NWD2: variants seen among roughly 807,000 people sequenced by gnomAD.
NWD2 encodes the protein NACHT and WD repeat domain-containing protein 2.
NWD2 carries 37 observed loss-of-function variants against 132.7 expected under a neutral mutation model. That is an observed-to-expected ratio of 0.28 (90% CI 0.21 to 0.37). NWD2 has a LOEUF of 0.37. NWD2 is among the 10% of genes least tolerant of loss of function. NWD2 has a pLI of 1.00. For synonymous variants in NWD2, 705 were observed against 803.0 expected (o/e 0.88, Z 2.06); for missense variants, 1,592 against 2,122.4 (o/e 0.75, Z 4.91).
chr4:37,266,176 C>G (rs567662524), intron 1 of NWD2, among the ~76,000 whole-genome samples: 1 of 152,182 alleles, frequency 6.6e-6, no homozygotes, highest in Admixed American at 6.6e-5. Flanking sequence ...TTTAATATTT[C>G]TGATTTTCCC....
chr4:37,353,777 A>T (rs982434889), intron 2 of NWD2, among the ~76,000 whole-genome samples: 1 of 151,858 alleles, frequency 6.6e-6, no homozygotes, highest in Non-Finnish European at 1.5e-5. Flanking sequence ...GCTTTTTTGC[A>T]TTGGGTTGGA....
chr4:37,376,455 A>C (rs1023460778), intron 3 of NWD2, among the ~76,000 whole-genome samples: 11 of 152,210 alleles, frequency 7.2e-5, no homozygotes, highest in African/African-American at 2.7e-4. Flanking sequence ...CAACAGAGCT[A>C]ATGGTTAAGA....
Position 37,391,593 on chromosome 4 carries a change from G to A in NWD2, c.357+35111G>A, listed in dbSNP as rs1432440956. Among the ~76,000 whole-genome samples the A allele has an allele frequency of 2.6e-5, 4 of 152,168 alleles. No individual in the cohort carries two copies. The East Asian group carries it at 7.7e-4, about 29-fold the overall frequency. ...TTTGAGAAGATATGCTGGTATGTGG[G>A]GAAAGAGAGAAATATTTGGTCAAGA... On this transcript the variant is annotated intron_variant, in intron 3 of 6. Coordinates refer to ENST00000309447, the MANE Select transcript of NWD2 (RefSeq NM_001144990.2).
intron 3 of NWD2, among the ~76,000 whole-genome samples, chr4:37,357,106 T>C (rs1456223993): frequency 1.3e-5 from 2 of 152,082 alleles, no homozygotes; most frequent in East Asian, 3.9e-4. Flanking sequence ...GTAAGATAAA[T>C]AGGTCATTCT....
At chr4:37,378,424 G>A (rs1265031477) in intron 3 of NWD2, among the ~76,000 whole-genome samples, 2 of 152,192 alleles carry the variant, frequency 1.3e-5, no homozygotes, top group Non-Finnish European at 2.9e-5. Context: ...ATTGTGACAG[G>A]GTGTCAGTTG....
chr4:37,424,812 C>G (rs551362317), intron 3 of NWD2, among the ~76,000 whole-genome samples: 1 of 152,340 alleles, frequency 6.6e-6, no homozygotes, highest in South Asian at 2.1e-4. Flanking sequence ...CAAAGACACA[C>G]TGAGCTCATC....
chr4:37,443,690 GA>G lies in NWD2; in HGVS notation c.1703del (p.Glu568GlyfsTer2). The G allele has an allele frequency of 6.4e-7, 1 of 1,551,944 alleles. No homozygotes were observed. Among genetic ancestry groups the G allele is most frequent in the South Asian group, 1.2e-5 (1 of 84,030 alleles). ...CLIHEEDNYI[E>X]LIPRDRKMCS... Reference sequence around the variant, plus strand: ...TATCCATGAAGAAGACAACTACATCGAGCTGATTCCCCGAGACAGGAAGATG... The same window carrying G: ...TATCCATGAAGAAGACAACTACATCGGCTGATTCCCCGAGACAGGAAGATG... On this transcript the variant is annotated frameshift_variant, in exon 7 of 7. Transcript: ENST00000309447. LOFTEE classifies it high-confidence loss of function. The surrounding 1 kb of genome is among the most constrained non-coding windows in gnomAD (Gnocchi z 4.1).
At chr4:37,362,021 A>G (rs1311443544) in intron 3 of NWD2, among the ~76,000 whole-genome samples, 3 of 152,172 alleles carry the variant, frequency 2.0e-5, no homozygotes, top group Non-Finnish European at 4.4e-5. Flanking sequence ...CTATACACCC[A>G]TAACGTTCAA....
intron 3 of NWD2, among the ~76,000 whole-genome samples, chr4:37,369,043 G>A (rs1186981529): frequency 6.6e-6 from 1 of 152,118 alleles, no homozygotes; most frequent in African/African-American, 2.4e-5. Flanking sequence ...GACTGTTTGA[G>A]GGCTGAGGGA....
chr4:37,430,660 A>G lies in NWD2; in HGVS notation c.446A>G (p.Glu149Gly). Residue 149 changes from glutamate (E) to glycine (G), a missense_variant, in exon 4 of 7, where the codon GAG becomes GGG. Around this residue, in one of 7 missense-constraint regions of NWD2, gnomAD observed 144 missense variants for 185.7 expected, o/e 0.78. Coordinates refer to ENST00000309447, the MANE Select transcript of NWD2 (RefSeq NM_001144990.2). ...EFEMILDAAI[E>G]AKLETKLLEE... ...GAAATGATTTTGGATGCCGCCATAG[A>G]GGCAAAGCTGGAGACCAAGTTGCTG... 1 of 1,551,548 alleles carries G rather than the reference A, an allele frequency of 6.4e-7. No homozygotes were observed. The highest frequency in any genetic ancestry group is 8.7e-7 in the Non-Finnish European group (1 of 1,146,848).
intron 2 of NWD2, among the ~76,000 whole-genome samples, chr4:37,354,613 T>C (rs561836668): frequency 6.7e-6 from 1 of 150,348 alleles, no homozygotes; most frequent in South Asian, 2.1e-4. Flanking sequence ...CCAAGGCTAT[T>C]ATTGTCCTTC....
intron 1 of NWD2, among the ~76,000 whole-genome samples, chr4:37,319,174 GA>G (rs1343937764): frequency 6.6e-6 from 1 of 152,064 alleles, no homozygotes; most frequent in Admixed American, 6.5e-5. Context: ...TAGCCACCGT[GA>G]CTGGTATGAG....
intron 3 of NWD2, among the ~76,000 whole-genome samples, chr4:37,409,993 GCT>G (rs1721121631): frequency 6.6e-6 from 1 of 152,170 alleles, no homozygotes; most frequent in African/African-American, 2.4e-5. Flanking sequence ...CCTTACAAGA[GCT>G]CCTGAAGGAA....
intron 3 of NWD2, among the ~76,000 whole-genome samples, chr4:37,376,811 A>G (rs1481534536): frequency 6.6e-6 from 1 of 152,134 alleles, no homozygotes; most frequent in East Asian, 1.9e-4. Flanking sequence ...ATTTATGCTT[A>G]TATTAGAGTT....
intron 1 of NWD2, among the ~76,000 whole-genome samples, chr4:37,312,197 T>A (rs1217194818): frequency 6.6e-6 from 1 of 151,710 alleles, no homozygotes; most frequent in African/African-American, 2.4e-5. Flanking sequence ...GGGATGGCAT[T>A]GAATTTATAA....
chr4:37,329,314 A>G (rs893578559), intron 2 of NWD2, among the ~76,000 whole-genome samples: 1 of 152,224 alleles, frequency 6.6e-6, no homozygotes, highest in Non-Finnish European at 1.5e-5. Flanking sequence ...GGAGAGGCAG[A>G]CAGTGTAGAT....
At chr4:37,386,948 C>T (rs13112717) in intron 3 of NWD2, among the ~76,000 whole-genome samples, 14,348 of 152,184 alleles carry the variant, frequency 0.094, 722 homozygotes, top group Middle Eastern at 0.21. Flanking sequence ...TCACCAGAAG[C>T]AGATGCTGGT....
chr4:37,297,363 A>C (rs1217096414), intron 1 of NWD2, among the ~76,000 whole-genome samples: 1 of 152,106 alleles, frequency 6.6e-6, no homozygotes, highest in Non-Finnish European at 1.5e-5. Context: ...ATTTTTTCCC[A>C]AATATTTTCT....
At chr4:37,257,923 A>G (rs1201095454) in intron 1 of NWD2, among the ~76,000 whole-genome samples, 1 of 152,240 alleles carries the variant, frequency 6.6e-6, no homozygotes, top group Non-Finnish European at 1.5e-5. Context: ...AATGACATTC[A>G]AAGAATAAAA....
Sources: gnomAD v4.1 joint callset for allele counts (sites outside exome capture counted in the v4.1 genomes callset) on GRCh38, gnomAD v4.1.1 for gene constraint, gnomAD v4.1.1 regional missense constraint, Gnocchi (gnomAD v3.1) non-coding constraint, MANE v1.5 for transcripts, NCBI Gene and HGNC (gene_info 2026-07-23, HGNC 2026-07-21) for gene names.